The following DNAJC3 variants were observed in gnomAD, a reference collection of about 807,000 sequenced individuals.
The protein encoded by DNAJC3 is dnaJ homolog subfamily C member 3.
In DNAJC3, 38 loss-of-function variants were observed where a neutral mutation model predicts 68.6. The observed-to-expected ratio is 0.55, with a 90% CI of 0.43 to 0.73. DNAJC3 has a LOEUF of 0.73. DNAJC3 is among the 30% of genes least tolerant of loss of function. DNAJC3 has a pLI of 0.00. For missense variants in DNAJC3, 526 were observed against 591.9 expected (o/e 0.89, Z 1.16); for synonymous variants, 203 against 204.0 (o/e 1.00, Z 0.04).
At chr13:95,781,981 T>G (rs1158321773) in intron 9 of DNAJC3, among the ~76,000 whole-genome samples, 1 of 151,974 alleles carries the variant, frequency 6.6e-6, no homozygotes, top group East Asian at 1.9e-4. Context: ...CGGGCCCTGG[T>G]GTGTGATGTT....
At chr13:95,701,326 C>G (rs1880582055) in intron 1 of DNAJC3, among the ~76,000 whole-genome samples, 1 of 152,146 alleles carries the variant, frequency 6.6e-6, no homozygotes, top group Non-Finnish European at 1.5e-5. Context: ...ACTGTAGACA[C>G]AAGAATAGCT....
chr13:95,721,125 G>A (rs1247261735), intron 2 of DNAJC3, among the ~76,000 whole-genome samples: 1 of 152,090 alleles, frequency 6.6e-6, no homozygotes, highest in Non-Finnish European at 1.5e-5. Context: ...ATTTGAATAT[G>A]TTAGGTACCT....
At chr13:95,777,832 A>G (rs1021346196) in intron 9 of DNAJC3, among the ~76,000 whole-genome samples, 1 of 152,198 alleles carries the variant, frequency 6.6e-6, no homozygotes, top group African/African-American at 2.4e-5. Context: ...CACCTAACAA[A>G]TGTATTCAGA....
intron 1 of DNAJC3, among the ~76,000 whole-genome samples, chr13:95,702,359 C>T (rs1252997190): frequency 1.3e-5 from 2 of 152,192 alleles, no homozygotes; most frequent in East Asian, 1.9e-4. Context: ...AGGAGAAATG[C>T]GTTGGCTACT....
At chr13:95,770,287 A>C (rs1883123684) in intron 9 of DNAJC3, among the ~76,000 whole-genome samples, 1 of 152,186 alleles carries the variant, frequency 6.6e-6, no homozygotes, top group South Asian at 2.1e-4. Context: ...AAGATTTTTC[A>C]TCATCTTAAA....
chr13:95,710,676 G>GTTTTGTTTTGT (rs1555323984), intron 2 of DNAJC3, among the ~76,000 whole-genome samples: 1 of 146,086 alleles, frequency 6.8e-6, no homozygotes, highest in African/African-American at 2.8e-5. Context: ...GTTTTGTTTT[G>GTTTTGTTTTGT]TTTTGTTTTT....
intron 2 of DNAJC3, among the ~76,000 whole-genome samples, chr13:95,718,678 G>A (rs1881228049): frequency 6.6e-6 from 1 of 152,230 alleles, no homozygotes; most frequent in Non-Finnish European, 1.5e-5. Flanking sequence ...TGGTATTACA[G>A]GCATGAGCCA....
At chr13:95,734,209 T>C (rs1434424538) in intron 4 of DNAJC3, among the ~76,000 whole-genome samples, 4 of 152,208 alleles carry the variant, frequency 2.6e-5, no homozygotes, top group Non-Finnish European at 4.4e-5. Context: ...TAAGCATTTC[T>C]TGTAGAATTG....
chr13:95,692,068 T>A (rs1156386367), intron 1 of DNAJC3, among the ~76,000 whole-genome samples: 2 of 143,184 alleles, frequency 1.4e-5, no homozygotes, highest in Non-Finnish European at 3.0e-5. Context: ...AGGGAGACCG[T>A]GGAAAGAGAG....
At chr13:95,780,030 T>C (rs1883405963) in intron 9 of DNAJC3, among the ~76,000 whole-genome samples, 1 of 152,216 alleles carries the variant, frequency 6.6e-6, no homozygotes, top group African/African-American at 2.4e-5. Context: ...TTTCTGCATG[T>C]AAGGCGTGCT....
At chr13:95,698,590 G>A (rs951637725) in intron 1 of DNAJC3, among the ~76,000 whole-genome samples, 50 of 152,204 alleles carry the variant, frequency 3.3e-4, no homozygotes, top group African/African-American at 1.1e-3. Flanking sequence ...GTGACTCTCA[G>A]TGCAGATGCA....
intron 11 of DNAJC3, 70 bp downstream of exon 11, chr13:95,787,225 G>A: frequency 1.3e-6 from 2 of 1,557,300 alleles, no homozygotes; most frequent in Middle Eastern, 1.7e-4. Flanking sequence ...AACATGTGGT[G>A]GGTTCTCCAC....
At chr13:95,765,222 T>C (rs527319483) in intron 9 of DNAJC3, among the ~76,000 whole-genome samples, 1 of 152,278 alleles carries the variant, frequency 6.6e-6, no homozygotes, top group African/African-American at 2.4e-5. Flanking sequence ...AAAATCCCTT[T>C]AGCATACTCG....
intron 4 of DNAJC3, chr13:95,744,594 C>A (rs766330852): frequency 6.6e-6 from 1 of 152,110 alleles, no homozygotes; most frequent in Non-Finnish European, 1.5e-5. Context: ...TAACAATTGG[C>A]AAATTCATAT....
At chr13:95,728,483 T>A (rs1282287311) in intron 4 of DNAJC3, among the ~76,000 whole-genome samples, 1 of 152,236 alleles carries the variant, frequency 6.6e-6, no homozygotes, top group Non-Finnish European at 1.5e-5. Context: ...TCAGTGAAAT[T>A]TCTGTTCATG....
At chr13:95,777,481 A>G (rs1266391214) in intron 9 of DNAJC3, among the ~76,000 whole-genome samples, 1 of 152,178 alleles carries the variant, frequency 6.6e-6, no homozygotes, top group Non-Finnish European at 1.5e-5. Flanking sequence ...CATACAGGTT[A>G]TACATGAATT....
intron 1 of DNAJC3, among the ~76,000 whole-genome samples, chr13:95,687,975 C>A (rs1593950707): frequency 6.6e-6 from 1 of 152,172 alleles, no homozygotes; most frequent in Non-Finnish European, 1.5e-5. Flanking sequence ...ATAGTTCTCC[C>A]TTTAGCAATG....
Position 95,752,744 on chromosome 13 carries a change from C to A in DNAJC3, c.394-4900C>A, listed in dbSNP as rs557196190. Among the ~76,000 whole-genome samples the A allele has an allele frequency of 1.4e-3, 206 of 152,242 alleles. 1 individual carries two copies. The South Asian group carries it at 0.015, about 11-fold the overall frequency. On this transcript the variant is annotated intron_variant, in intron 4 of 11. Transcript: ENST00000602402. Reference sequence around the variant, plus strand: ...CCATACATGCTTTTGTACTCACAGACCCCTGAAAGGGCACTAAGGAATCCC... The same window carrying A: ...CCATACATGCTTTTGTACTCACAGAACCCTGAAAGGGCACTAAGGAATCCC...
chr13:95,754,698 CTGTT>C (rs1301380109), intron 4 of DNAJC3, among the ~76,000 whole-genome samples: 1 of 152,104 alleles, frequency 6.6e-6, no homozygotes, highest in Non-Finnish European at 1.5e-5. Flanking sequence ...CCGGGTTATT[CTGTT>C]TGTTAAAAGG....
Sources: gnomAD v4.1 joint callset for allele counts (sites outside exome capture counted in the v4.1 genomes callset) on GRCh38, gnomAD v4.1.1 for gene constraint, MANE v1.5 for transcripts, NCBI Gene and HGNC (gene_info 2026-07-23, HGNC 2026-07-21) for gene names.